Variants in WDR72 observed in about 807,000 individuals in gnomAD.
The protein encoded by WDR72 is WD repeat-containing protein 72.
A neutral mutation model predicts 124.2 loss-of-function variants in WDR72; 120 were observed. The observed-to-expected ratio is 0.97, with a 90% CI of 0.83 to 1.12. WDR72 has a LOEUF of 1.12. Among genes scored for constraint, WDR72 ranks in the 50% most tolerant of loss-of-function variants. WDR72 has a pLI of 0.00. For synonymous variants in WDR72, 452 were observed against 441.7 expected (o/e 1.02, Z -0.29); for missense variants, 1,387 against 1,278.8 (o/e 1.08, Z -1.29).
At chr15:53,635,954 G>T (rs943636586) in intron 14 of WDR72, among the ~76,000 whole-genome samples, 2 of 152,098 alleles carry the variant, frequency 1.3e-5, no homozygotes, top group Non-Finnish European at 2.9e-5. Flanking sequence ...TTATACCATT[G>T]TTTCTTAAGG....
intron 11 of WDR72, among the ~76,000 whole-genome samples, chr15:53,704,734 G>T (rs1324189251): frequency 7.7e-6 from 1 of 129,422 alleles, no homozygotes; most frequent in Non-Finnish European, 1.6e-5. Flanking sequence ...GGGTTTCACC[G>T]TGTTAGCCAG....
chr15:53,674,111 A>G (rs899818081), intron 13 of WDR72, among the ~76,000 whole-genome samples: 2 of 152,244 alleles, frequency 1.3e-5, no homozygotes, highest in Non-Finnish European at 2.9e-5. Flanking sequence ...TGGACATATT[A>G]TAGAATTAGG....
chr15:53,726,356 G>A, intron 2 of WDR72, among the ~76,000 whole-genome samples: 1 of 92,818 alleles, frequency 1.1e-5, no homozygotes, highest in Non-Finnish European at 1.9e-5. Context: ...TGTTGGGAGG[G>A]GGGCGGGGCT....
chr15:53,546,704 A>T (rs1893485160), intron 18 of WDR72, among the ~76,000 whole-genome samples: 1 of 151,180 alleles, frequency 6.6e-6, no homozygotes, highest in Admixed American at 6.6e-5. Context: ...TGCAAAAGAT[A>T]CTTTTAACAA....
intron 14 of WDR72, among the ~76,000 whole-genome samples, chr15:53,654,927 A>G (rs953816817): frequency 6.6e-6 from 1 of 152,138 alleles, no homozygotes; most frequent in Admixed American, 6.6e-5. Context: ...GTCATAAAAT[A>G]AAGATACGCT....
chr15:53,665,920 TA>T (rs773390783), intron 13 of WDR72, 152 bp from the exon 14 acceptor site: 16 of 747,670 alleles, frequency 2.1e-5, no homozygotes, highest in Non-Finnish European at 3.5e-5. Context: ...GAGCTTTTCC[TA>T]AATTATTCAA....
At chr15:53,681,665 A>C (rs1211491842) in intron 13 of WDR72, among the ~76,000 whole-genome samples, 1 of 152,222 alleles carries the variant, frequency 6.6e-6, no homozygotes, top group Non-Finnish European at 1.5e-5. Flanking sequence ...TTAAGAGCAG[A>C]CAATATTTAT....
chr15:53,739,385 C>G (rs1281800904), intron 1 of WDR72, among the ~76,000 whole-genome samples: 3 of 152,082 alleles, frequency 2.0e-5, no homozygotes, highest in Non-Finnish European at 4.4e-5. Flanking sequence ...CTCTAAGGCC[C>G]GGACAATTAC....
At chr15:53,545,099 A>G (rs1453780118) in intron 18 of WDR72, among the ~76,000 whole-genome samples, 2 of 149,222 alleles carry the variant, frequency 1.3e-5, no homozygotes, top group African/African-American at 2.5e-5. Context: ...AAGGTAATTT[A>G]CAGATTCAAT....
intron 1 of WDR72, among the ~76,000 whole-genome samples, chr15:53,750,623 C>A (rs78641068): frequency 6.6e-6 from 1 of 152,142 alleles, no homozygotes. Context: ...TATACCTGGA[C>A]AAAGTCAATT....
At chr15:53,626,032 T>G (rs2014192519) in intron 14 of WDR72, among the ~76,000 whole-genome samples, 1 of 152,214 alleles carries the variant, frequency 6.6e-6, no homozygotes, top group Non-Finnish European at 1.5e-5. Context: ...CAAAACATTT[T>G]GGATCCCCCA....
At chr15:53,722,423 G>A (rs1395853250) in intron 3 of WDR72, among the ~76,000 whole-genome samples, 1 of 152,140 alleles carries the variant, frequency 6.6e-6, no homozygotes, top group Admixed American at 6.5e-5. Context: ...GCTTGGATGG[G>A]TTTGCTTAAG....
At chr15:53,659,341 A>T (rs2015532796) in intron 14 of WDR72, among the ~76,000 whole-genome samples, 1 of 151,902 alleles carries the variant, frequency 6.6e-6, no homozygotes, top group African/African-American at 2.4e-5. Context: ...CGTTGCTGGC[A>T]CTCCCCACCG....
At chr15:53,724,911 G>C (rs1389441955) in intron 2 of WDR72, among the ~76,000 whole-genome samples, 1 of 151,828 alleles carries the variant, frequency 6.6e-6, no homozygotes. Flanking sequence ...GAAATTTTAG[G>C]CTTCAAGTTT....
chr15:53,573,844 C>T (rs948326525), intron 18 of WDR72, among the ~76,000 whole-genome samples: 2 of 152,218 alleles, frequency 1.3e-5, no homozygotes, highest in Non-Finnish European at 2.9e-5. Context: ...CGGCGCCCAG[C>T]CAACATCAAC....
chr15:53,591,979 T>G (rs1283589162), intron 18 of WDR72, among the ~76,000 whole-genome samples: 1 of 152,024 alleles, frequency 6.6e-6, no homozygotes, highest in Non-Finnish European at 1.5e-5. Flanking sequence ...TTCCACTATA[T>G]CTTCAGCACA....
chr15:53,539,779 T>C (rs1414568814), intron 18 of WDR72, among the ~76,000 whole-genome samples: 2 of 152,268 alleles, frequency 1.3e-5, no homozygotes, highest in East Asian at 1.9e-4. Flanking sequence ...TATTTGTGTC[T>C]ATGTACAAAC....
In WDR72 at chr15:53,539,212, A is replaced by C. The variant is rs74017423; in HGVS notation, c.3149-15890T>G. 7.7e-3 allele frequency among the ~76,000 whole-genome samples: 1,168 copies of C among 152,260 alleles called. 13 individuals carry two copies. Among genetic ancestry groups the C allele is most frequent in the African/African-American group, 0.027 (1,129 of 41,570 alleles). ...TGCAATAACTTAAGAAATATTGTTT[A>C]AATATGCCTTTCCTGGGTGACCTAC... On this transcript the variant is annotated intron_variant, in intron 18 of 19. Coordinates refer to ENST00000360509, the MANE Select transcript of WDR72 (RefSeq NM_182758.4).
intron 18 of WDR72, among the ~76,000 whole-genome samples, chr15:53,571,479 T>C (rs1479916248): frequency 6.6e-6 from 1 of 152,180 alleles, no homozygotes; most frequent in African/African-American, 2.4e-5. Flanking sequence ...TATTTGTCTT[T>C]CTGTACCTGT....
Sources: allele counts gnomAD v4.1 joint callset (sites outside exome capture counted in the v4.1 genomes callset), GRCh38; gene constraint gnomAD v4.1.1; transcripts MANE v1.5; gene names NCBI Gene and HGNC (gene_info 2026-07-23, HGNC 2026-07-21).